The following SMG6 variants were observed in gnomAD, a reference collection of about 807,000 sequenced individuals.
SMG6 encodes the protein telomerase-binding protein EST1A.
SMG6 carries 66 observed loss-of-function variants against 142.2 expected under a neutral mutation model. The ratio of observed to expected loss-of-function variants is 0.46; its 90% CI spans 0.38 to 0.57. The LOEUF is 0.57. Among genes scored for constraint, SMG6 ranks in the 20% least tolerant of loss-of-function variants. The pLI is 0.00. For missense variants in SMG6, 1,793 were observed against 1,832.0 expected (o/e 0.98, Z 0.39); for synonymous variants, 779 against 702.4 (o/e 1.11, Z -1.72).
At chr17:2,072,390 C>T (rs1368865331) in intron 15 of SMG6, among the ~76,000 whole-genome samples, 1 of 152,066 alleles carries the variant, frequency 6.6e-6, no homozygotes, top group Non-Finnish European at 1.5e-5. Context: ...CCCAAGTTGG[C>T]ATAAAATGTG....
chr17:2,135,640 G>A (rs2070270174), intron 13 of SMG6, among the ~76,000 whole-genome samples: 1 of 152,326 alleles, frequency 6.6e-6, no homozygotes, highest in South Asian at 2.1e-4. Context: ...AATGTGACTA[G>A]TGTGACTGAA....
chr17:2,164,732 T>A (rs1317013394), intron 13 of SMG6, among the ~76,000 whole-genome samples: 1 of 151,684 alleles, frequency 6.6e-6, no homozygotes, highest in Non-Finnish European at 1.5e-5. Context: ...AGGTCAGGCG[T>A]TTGAGACCAG....
chr17:2,171,429 T>A (rs945959339), intron 13 of SMG6, among the ~76,000 whole-genome samples: 2 of 151,978 alleles, frequency 1.3e-5, no homozygotes, highest in South Asian at 4.1e-4. Flanking sequence ...ATAACAGTGC[T>A]CTCACTTCTG....
intron 8 of SMG6, among the ~76,000 whole-genome samples, chr17:2,259,468 A>C (rs2074264581): frequency 6.6e-6 from 1 of 151,986 alleles, no homozygotes; most frequent in African/African-American, 2.4e-5. Flanking sequence ...ACTTGGGCCC[A>C]GGAGTTTGAC....
chr17:2,218,432 C>T (rs532869897), intron 10 of SMG6, among the ~76,000 whole-genome samples: 1 of 152,086 alleles, frequency 6.6e-6, no homozygotes, highest in Non-Finnish European at 1.5e-5. Flanking sequence ...GCCTGTAGCC[C>T]AGCTACTCGA....
At chr17:2,266,122 T>C (rs892373209) in intron 8 of SMG6, 1 of 985,332 alleles carries the variant, frequency 1.0e-6, no homozygotes, top group Non-Finnish European at 1.2e-6. Flanking sequence ...CAAAGTCTTT[T>C]ACAATTATTG....
intron 13 of SMG6, among the ~76,000 whole-genome samples, chr17:2,152,898 T>C (rs900938343): frequency 6.6e-6 from 1 of 151,884 alleles, no homozygotes; most frequent in Non-Finnish European, 1.5e-5. Context: ...AGCAGTTCTA[T>C]CCATGACCAC....
intron 10 of SMG6, among the ~76,000 whole-genome samples, chr17:2,198,478 C>G (rs755374205): frequency 6.6e-6 from 1 of 152,084 alleles, no homozygotes; most frequent in African/African-American, 2.4e-5. Flanking sequence ...CACACACACA[C>G]GCACACAAGT....
chr17:2,239,403 A>G (rs2151292900), intron 9 of SMG6, among the ~76,000 whole-genome samples: 1 of 152,366 alleles, frequency 6.6e-6, no homozygotes, highest in South Asian at 2.1e-4. Context: ...GTGGTCATTT[A>G]TAATCGCCAA....
At chr17:2,112,457 G>A (rs1233802469) in intron 13 of SMG6, among the ~76,000 whole-genome samples, 14 of 151,130 alleles carry the variant, frequency 9.3e-5, no homozygotes, top group Non-Finnish European at 1.3e-4. Context: ...GCAGTGAGCC[G>A]AGATCGTGCC....
chr17:2,197,789 C>T (rs1411598116), intron 10 of SMG6, among the ~76,000 whole-genome samples: 1 of 152,124 alleles, frequency 6.6e-6, no homozygotes, highest in African/African-American at 2.4e-5. Context: ...GATCTCATTA[C>T]ATATCTATCA....
chr17:2,291,816 T>C (rs1597798330), intron 6 of SMG6, among the ~76,000 whole-genome samples: 1 of 134,432 alleles, frequency 7.4e-6, no homozygotes. Flanking sequence ...GTCACTGCAC[T>C]CCAGCCTGGG....
intron 13 of SMG6, chr17:2,088,364 T>G (rs2068623400): frequency 1.0e-6 from 1 of 985,360 alleles, no homozygotes; most frequent in Non-Finnish European, 1.2e-6. Flanking sequence ...CTGCAGCACT[T>G]CCTTACAGGG....
At chr17:2,251,891 C>T (rs941007018) in intron 8 of SMG6, among the ~76,000 whole-genome samples, 2 of 147,798 alleles carry the variant, frequency 1.4e-5, no homozygotes, top group East Asian at 2.1e-4. Flanking sequence ...CACCTGAGGT[C>T]GGGAGTTCGA....
In SMG6 at chr17:2,083,929, G is replaced by A. The variant is rs149218527; in HGVS notation, c.3534+1796C>T. On this transcript the variant is annotated intron_variant, in intron 14 of 18. Transcript: ENST00000263073. ...TAACATGAAGGAACCCAGGAGACTCGTGGGAAAAGGAAGAAGTGGGCAGCC... is the reference window on the plus strand; with the variant it reads ...TAACATGAAGGAACCCAGGAGACTCATGGGAAAAGGAAGAAGTGGGCAGCC... 8.4e-4 allele frequency among the ~76,000 whole-genome samples: 128 copies of A among 152,326 alleles called. 1 individual carries two copies. Among genetic ancestry groups the A allele is most frequent in the Non-Finnish European group, 1.3e-3 (88 of 68,034 alleles).
chr17:2,127,763 C>A, intron 13 of SMG6: 1 of 556,392 alleles, frequency 1.8e-6, no homozygotes, highest in South Asian at 1.4e-5. Context: ...TTTATTTTCT[C>A]ACGTTCTGCT....
intron 13 of SMG6, among the ~76,000 whole-genome samples, chr17:2,091,106 T>G (rs2068703375): frequency 6.6e-6 from 1 of 152,178 alleles, no homozygotes; most frequent in Non-Finnish European, 1.5e-5. Flanking sequence ...TATGCACTAC[T>G]CACCCTCAGA....
At chr17:2,146,407 T>TA (rs991666191) in intron 13 of SMG6, among the ~76,000 whole-genome samples, 34 of 152,172 alleles carry the variant, frequency 2.2e-4, no homozygotes, top group African/African-American at 8.0e-4. Flanking sequence ...TATGAGTAAG[T>TA]AGGTCACCTG....
chr17:2,226,449 T>G (rs1283975253), intron 10 of SMG6, among the ~76,000 whole-genome samples: 1 of 146,514 alleles, frequency 6.8e-6, no homozygotes, highest in African/African-American at 2.5e-5. Flanking sequence ...TGTGGTGGTG[T>G]GTGCCTGTAA....
Sources: gnomAD v4.1 joint callset for allele counts (sites outside exome capture counted in the v4.1 genomes callset) on GRCh38, gnomAD v4.1.1 for gene constraint, MANE v1.5 for transcripts, NCBI Gene and HGNC (gene_info 2026-07-23, HGNC 2026-07-21) for gene names.